MAP2K1: variants seen among roughly 807,000 people sequenced by gnomAD.
MAP2K1 encodes the protein dual specificity mitogen-activated protein kinase kinase 1.
A neutral mutation model predicts 46.3 loss-of-function variants in MAP2K1; 16 were observed. The ratio of observed to expected loss-of-function variants is 0.35; its 90% CI spans 0.23 to 0.52. MAP2K1 has a LOEUF of 0.52. Ranked by LOEUF, MAP2K1 falls within the 20% of genes least tolerant of loss-of-function variation. MAP2K1 has a pLI of 0.94. For missense variants in MAP2K1, 263 were observed against 497.1 expected (o/e 0.53, Z 4.48); for synonymous variants, 183 against 185.6 (o/e 0.99, Z 0.11).
intron 1 of MAP2K1, among the ~76,000 whole-genome samples, chr15:66,406,452 G>C (rs747520336): frequency 6.6e-6 from 1 of 152,218 alleles, no homozygotes; most frequent in Non-Finnish European, 1.5e-5. Context: ...GGATGGGCAA[G>C]TGGGAGCAAA....
chr15:66,442,001 G>A (rs896433325), intron 3 of MAP2K1, among the ~76,000 whole-genome samples: 1 of 152,094 alleles, frequency 6.6e-6, no homozygotes, highest in Non-Finnish European at 1.5e-5. Flanking sequence ...CTTCAAGATC[G>A]CAGGTTAAAA....
chr15:66,471,780 T>C (rs1262282893), intron 5 of MAP2K1, among the ~76,000 whole-genome samples: 1 of 152,088 alleles, frequency 6.6e-6, no homozygotes, highest in Non-Finnish European at 1.5e-5. Context: ...AAATATACTT[T>C]AAAAAGATGC....
intron 1 of MAP2K1, among the ~76,000 whole-genome samples, chr15:66,427,871 GGGC>G (rs1233161922): frequency 2.0e-5 from 3 of 151,914 alleles, no homozygotes; most frequent in Non-Finnish European, 4.4e-5. Context: ...AAAATTAGCC[GGGC>G]GTGGTGGCAG....
intron 5 of MAP2K1, chr15:66,446,735 C>A: frequency 2.9e-6 from 1 of 345,512 alleles, no homozygotes; most frequent in South Asian, 2.6e-5. Context: ...TTCCGGATAC[C>A]CTGCTTATAG....
chr15:66,463,979 A>T (rs776662508), intron 5 of MAP2K1, among the ~76,000 whole-genome samples: 15 of 152,196 alleles, frequency 9.9e-5, no homozygotes, highest in Non-Finnish European at 1.5e-4. Context: ...TCAGATATGC[A>T]TTTATCTCAG....
At chr15:66,413,911 CTTTTTT>C (rs10649963) in intron 1 of MAP2K1, among the ~76,000 whole-genome samples, 8 of 111,538 alleles carry the variant, frequency 7.2e-5, no homozygotes, top group Admixed American at 3.8e-4. Flanking sequence ...TCTTCTTCTT[CTTTTTT>C]TTTTTTTTTT....
intron 1 of MAP2K1, among the ~76,000 whole-genome samples, chr15:66,426,100 C>G (rs1457887628): frequency 5.9e-5 from 9 of 151,314 alleles, no homozygotes; most frequent in South Asian, 2.1e-4. Context: ...CATCACAACT[C>G]TTAGGTTTTA....
chr15:66,465,878 T>G (rs1473320258), intron 5 of MAP2K1, among the ~76,000 whole-genome samples: 1 of 152,232 alleles, frequency 6.6e-6, no homozygotes, highest in Non-Finnish European at 1.5e-5. Flanking sequence ...AAAATTGGCC[T>G]TGATGGAACT....
intron 1 of MAP2K1, among the ~76,000 whole-genome samples, chr15:66,394,289 T>C (rs1164315829): frequency 2.0e-5 from 3 of 149,484 alleles, no homozygotes; most frequent in East Asian, 1.9e-4. Flanking sequence ...GACTTACTTA[T>C]TGCATTCAGG....
intron 8 of MAP2K1, 53 bp downstream of exon 8, chr15:66,487,345 A>C: frequency 1.3e-6 from 2 of 1,561,340 alleles, no homozygotes; most frequent in Non-Finnish European, 1.8e-6. Flanking sequence ...CATCTTAAGA[A>C]AACACCCAGG....
chr15:66,452,630 G>A (rs1441298856), intron 5 of MAP2K1, among the ~76,000 whole-genome samples: 1 of 152,208 alleles, frequency 6.6e-6, no homozygotes, highest in Non-Finnish European at 1.5e-5. Context: ...GGTCAGTGTT[G>A]TAGGAACATC....
At chr15:66,413,838 C>T (rs1363122119) in intron 1 of MAP2K1, among the ~76,000 whole-genome samples, 1 of 151,922 alleles carries the variant, frequency 6.6e-6, no homozygotes, top group African/African-American at 2.4e-5. Context: ...GGACTGTATC[C>T]CCAAAGCAGG....
intron 1 of MAP2K1, among the ~76,000 whole-genome samples, chr15:66,404,740 A>C (rs972371868): frequency 9.2e-5 from 14 of 152,152 alleles, no homozygotes; most frequent in Non-Finnish European, 2.1e-4. Context: ...AGAGTTTGTA[A>C]ATTCCTGAAG....
At chr15:66,390,326 T>G (rs1486946761) in intron 1 of MAP2K1, among the ~76,000 whole-genome samples, 7 of 152,252 alleles carry the variant, frequency 4.6e-5, no homozygotes, top group Admixed American at 4.6e-4. Flanking sequence ...TTCCCTATCT[T>G]GGGCTACCAG....
chr15:66,428,773 CTTTTTTT>C (rs1196428468), intron 1 of MAP2K1, among the ~76,000 whole-genome samples: 13 of 78,196 alleles, frequency 1.7e-4, no homozygotes, highest in African/African-American at 2.3e-4. Context: ...ATTTTCTTTC[CTTTTTTT>C]TTTTTTTTTT....
chr15:66,444,602 A>G, intron 4 of MAP2K1, 54 bp from the exon 5 acceptor site: 1 of 1,192,978 alleles, frequency 8.4e-7, no homozygotes, highest in Non-Finnish European at 1.3e-6. Flanking sequence ...AAATAGATTG[A>G]GTATTTTTCT....
At chr15:66,481,720 C>A (rs377651910) in intron 5 of MAP2K1, 35 bp from the exon 6 acceptor site, 1 of 1,608,284 alleles carries the variant, frequency 6.2e-7, no homozygotes, top group African/African-American at 1.3e-5. Context: ...CTACCTGTGT[C>A]AGTTCCCTCC....
chr15:66,469,472 CTTTTTT>C (rs370379739), intron 5 of MAP2K1, among the ~76,000 whole-genome samples: 7 of 76,604 alleles, frequency 9.1e-5, no homozygotes, highest in African/African-American at 2.2e-4. Flanking sequence ...CTGGTGCCTC[CTTTTTT>C]TTTTTTTTTT....
At chr15:66,398,815 C>G (rs1458165289) in intron 1 of MAP2K1, among the ~76,000 whole-genome samples, 1 of 150,222 alleles carries the variant, frequency 6.7e-6, no homozygotes, top group Admixed American at 6.6e-5. Flanking sequence ...CTCTTGTCGT[C>G]CAGGCTAGAG....
Sources: allele counts gnomAD v4.1 joint callset (sites outside exome capture counted in the v4.1 genomes callset), GRCh38; gene constraint gnomAD v4.1.1; transcripts MANE v1.5; gene names NCBI Gene and HGNC (gene_info 2026-07-23, HGNC 2026-07-21).